PALM2AKAP2: variants seen among roughly 807,000 people sequenced by gnomAD.
PALM2AKAP2 encodes PALM2-AKAP2 fusion protein.
Under a neutral mutation model 71.5 loss-of-function variants are expected in PALM2AKAP2, and 37 were observed. The observed-to-expected ratio is 0.52, with a 90% confidence interval of 0.40 to 0.68. The LOEUF is 0.68. Among genes scored for constraint, PALM2AKAP2 ranks in the 30% least tolerant of loss-of-function variants. PALM2AKAP2 has a pLI of 0.00. For synonymous variants in PALM2AKAP2, 468 were observed against 478.8 expected, an observed-to-expected ratio of 0.98 and a Z score of 0.29; for missense variants, 1,224 against 1,191.8, an observed-to-expected ratio of 1.03 and a Z score of -0.40.
intron 1 of PALM2AKAP2, among the ~76,000 whole-genome samples, chr9:109,773,141 T>TC (rs1829296976): frequency 6.6e-6 from 1 of 151,640 alleles, no homozygotes; most frequent in Non-Finnish European, 1.5e-5. Context: ...TGTTGCAAAG[T>TC]CTTTTTTTTT....
intron 1 of PALM2AKAP2, among the ~76,000 whole-genome samples, chr9:109,651,778 TTATA>T (rs905867264): frequency 1.6e-4 from 24 of 152,342 alleles, no homozygotes; most frequent in African/African-American, 5.8e-4. Context: ...TGTCATTTTC[TTATA>T]TATAACTTAT....
intron 6 of PALM2AKAP2, among the ~76,000 whole-genome samples, chr9:109,937,022 C>T (rs1831234879): frequency 6.6e-6 from 1 of 152,198 alleles, no homozygotes; most frequent in African/African-American, 2.4e-5. Context: ...GTCCATTGCT[C>T]TTCCCGCCTT....
rs1833469233 is a variant in PALM2AKAP2 at position 110,039,107 on chromosome 9, G to A, written c.582+23068G>A. On this transcript the variant is annotated intron_variant, in intron 7 of 9. Transcript: ENST00000302798. ...CTACAAAAGATACAAAAATTAGCCA[G>A]GCATGCTGGCACATGCCTATAGACC... Among the ~76,000 whole-genome samples the A allele has an allele frequency of 2.6e-5, 4 of 151,968 alleles. No individual in the cohort carries two copies. In the South Asian group the frequency reaches 8.3e-4, roughly 32 times the overall value.
chr9:110,014,835 T>C (rs1463479767), intron 6 of PALM2AKAP2, among the ~76,000 whole-genome samples: 11 of 105,326 alleles, frequency 1.0e-4, no homozygotes, highest in African/African-American at 3.7e-4. Context: ...TATATATATA[T>C]ATATATATAT....
chr9:110,079,652 A>G (rs1030557792), intron 1 of PALM2AKAP2, among the ~76,000 whole-genome samples: 2 of 152,160 alleles, frequency 1.3e-5, no homozygotes, highest in Non-Finnish European at 1.5e-5. Flanking sequence ...GCATGATTCT[A>G]TGTATCTGTC....
intron 3 of PALM2AKAP2, among the ~76,000 whole-genome samples, chr9:109,888,727 A>AC (rs1463680800): frequency 1.7e-4 from 25 of 151,364 alleles, no homozygotes; most frequent in African/African-American, 5.8e-4. Context: ...AAAAAAAAAA[A>AC]AAAAAGAATA....
chr9:109,993,944 T>TC (rs1467223558), intron 6 of PALM2AKAP2, among the ~76,000 whole-genome samples: 1 of 152,056 alleles, frequency 6.6e-6, no homozygotes, highest in African/African-American at 2.4e-5. Flanking sequence ...CTCTCTTTTT[T>TC]CTCCTTTCTT....
chr9:110,116,363 C>T (rs1403743370), intron 1 of PALM2AKAP2, among the ~76,000 whole-genome samples: 3 of 151,062 alleles, frequency 2.0e-5, no homozygotes, highest in Non-Finnish European at 4.4e-5. Context: ...CCCGTGTGTG[C>T]GTGTGTGTGT....
At chr9:109,797,273 G>C (rs1306708687) in intron 1 of PALM2AKAP2, among the ~76,000 whole-genome samples, 1 of 152,200 alleles carries the variant, frequency 6.6e-6, no homozygotes, top group African/African-American at 2.4e-5. Context: ...GGGTTACCCT[G>C]AGCTTCAGAG....
chr9:109,872,562 A>G (rs1829628054), intron 2 of PALM2AKAP2, among the ~76,000 whole-genome samples: 1 of 152,214 alleles, frequency 6.6e-6, no homozygotes, highest in Admixed American at 6.5e-5. Flanking sequence ...TGAGCGGGGA[A>G]CCCTCACTAG....
intron 7 of PALM2AKAP2, among the ~76,000 whole-genome samples, chr9:110,035,942 CT>C (rs1388674384): frequency 6.6e-6 from 1 of 150,474 alleles, no homozygotes; most frequent in East Asian, 1.9e-4. Flanking sequence ...TGAGTTGGTA[CT>C]TTTTTTTGTT....
chr9:109,932,539 A>G (rs1275270137), intron 6 of PALM2AKAP2, among the ~76,000 whole-genome samples: 1 of 152,218 alleles, frequency 6.6e-6, no homozygotes, highest in African/African-American at 2.4e-5. Flanking sequence ...TATATTTGGG[A>G]GGAAAAGAAG....
At chr9:109,735,712 ATTTTCAC>A (rs1224033933) in intron 1 of PALM2AKAP2, among the ~76,000 whole-genome samples, 1 of 151,458 alleles carries the variant, frequency 6.6e-6, no homozygotes, top group Non-Finnish European at 1.5e-5. Context: ...GTAGATACTG[ATTTTCAC>A]TTAATAGAGT....
intron 1 of PALM2AKAP2, among the ~76,000 whole-genome samples, chr9:109,796,052 C>G (rs762077651): frequency 1.1e-4 from 17 of 152,226 alleles, no homozygotes; most frequent in Admixed American, 1.3e-4. Flanking sequence ...CTCCGCCTGT[C>G]ACAACACATT....
exon 2 of PALM2AKAP2, chr9:110,136,303 C>A: frequency 6.2e-7 from 1 of 1,614,196 alleles, no homozygotes; most frequent in South Asian, 1.1e-5. Context: ...CCCCACATCC[C>A]ATGGACCATC....
intron 1 of PALM2AKAP2, among the ~76,000 whole-genome samples, chr9:109,653,101 C>T (rs917150438): frequency 5.3e-5 from 8 of 152,168 alleles, no homozygotes; most frequent in African/African-American, 1.9e-4. Context: ...TAACCTTCAA[C>T]TCTTTTAGTT....
intron 6 of PALM2AKAP2, among the ~76,000 whole-genome samples, chr9:109,967,471 A>G (rs2132138800): frequency 6.7e-6 from 1 of 149,828 alleles, no homozygotes; most frequent in South Asian, 2.1e-4. Context: ...GTGCAGTGGC[A>G]CGATCTTGGC....
chr9:109,685,423 T>C (rs1307883609), intron 1 of PALM2AKAP2, among the ~76,000 whole-genome samples: 1 of 152,190 alleles, frequency 6.6e-6, no homozygotes, highest in Non-Finnish European at 1.5e-5. Flanking sequence ...AAAGTGACTA[T>C]TGCAATAAAG....
chr9:110,001,824 T>A (rs1296047769), intron 6 of PALM2AKAP2, among the ~76,000 whole-genome samples: 1 of 152,218 alleles, frequency 6.6e-6, no homozygotes, highest in African/African-American at 2.4e-5. Context: ...TTGTCTGTTA[T>A]TGGTGTATAA....
Sources: allele counts gnomAD v4.1 joint callset (sites outside exome capture counted in the v4.1 genomes callset), GRCh38; gene constraint gnomAD v4.1.1; transcripts MANE v1.5; gene names NCBI Gene and HGNC (gene_info 2026-07-23, HGNC 2026-07-21).